The following RSRC1 variants were observed in gnomAD, a reference collection of about 807,000 sequenced individuals.
The protein encoded by RSRC1 is arginine and serine rich coiled-coil 1, also known as serine/Arginine-related protein 53.
In RSRC1, 39 loss-of-function variants were observed where a neutral mutation model predicts 49.1. The observed-to-expected ratio is 0.79, with a 90% CI of 0.61 to 1.04. The LOEUF (loss-of-function observed/expected upper bound fraction) is 1.04, where lower values mean the gene tolerates loss of function less well. Among genes scored for constraint, RSRC1 ranks in the 50% least tolerant of loss-of-function variants. The pLI, the probability that RSRC1 is intolerant of heterozygous loss-of-function variation, is 0.00. For missense variants in RSRC1, 388 were observed against 402.4 expected (o/e 0.96, Z 0.31); for synonymous variants, 143 against 130.8 (o/e 1.09, Z -0.63).
At chr3:158,174,553 A>G (rs1162300206) in intron 3 of RSRC1, among the ~76,000 whole-genome samples, 1 of 151,954 alleles carries the variant, frequency 6.6e-6, no homozygotes, top group East Asian at 1.9e-4. Context: ...CAAAGATAAC[A>G]TTATACTGAC....
At chr3:158,284,244 A>C (rs529573459) in intron 4 of RSRC1, among the ~76,000 whole-genome samples, 82 of 152,016 alleles carry the variant, frequency 5.4e-4, no homozygotes, top group South Asian at 4.2e-3. Flanking sequence ...ATGGCTGCAT[A>C]GTATTCCATG....
chr3:158,133,365 A>T (rs973992835), intron 3 of RSRC1, among the ~76,000 whole-genome samples: 5 of 152,204 alleles, frequency 3.3e-5, no homozygotes, highest in Non-Finnish European at 7.4e-5. Flanking sequence ...TTTATTGAGG[A>T]CATATCTTAA....
intron 5 of RSRC1, among the ~76,000 whole-genome samples, chr3:158,303,991 T>C (rs1727710658): frequency 6.6e-6 from 1 of 152,188 alleles, no homozygotes; most frequent in Non-Finnish European, 1.5e-5. Context: ...AAGTGGGATT[T>C]GTTTTCTATT....
chr3:158,396,390 A>G (rs1012760959), intron 6 of RSRC1, among the ~76,000 whole-genome samples: 1 of 143,756 alleles, frequency 7.0e-6, no homozygotes, highest in Non-Finnish European at 1.5e-5. Context: ...GTGATGGGCA[A>G]TGTTTTTTTT....
intron 7 of RSRC1, among the ~76,000 whole-genome samples, chr3:158,502,955 A>G (rs114388979): frequency 0.011 from 1,695 of 152,196 alleles, 40 homozygotes; most frequent in African/African-American, 0.039. Flanking sequence ...GTTTTGTCAT[A>G]TTACCTGAGT....
At chr3:158,327,170 G>A (rs562031699) in intron 5 of RSRC1, among the ~76,000 whole-genome samples, 7 of 151,902 alleles carry the variant, frequency 4.6e-5, no homozygotes, top group East Asian at 3.9e-4. Flanking sequence ...TTTGTTGATC[G>A]TTTCAAAAAA....
At chr3:158,396,742 C>A (rs1273174577) in intron 6 of RSRC1, among the ~76,000 whole-genome samples, 4 of 152,054 alleles carry the variant, frequency 2.6e-5, no homozygotes, top group Admixed American at 2.6e-4. Context: ...TATATGGAAG[C>A]CACTTTCACC....
At chr3:158,517,469 A>G (rs1740636478) in intron 7 of RSRC1, among the ~76,000 whole-genome samples, 1 of 152,068 alleles carries the variant, frequency 6.6e-6, no homozygotes, top group African/African-American at 2.4e-5. Flanking sequence ...AACAAGTATG[A>G]TACTTGCTTT....
chr3:158,344,063 G>A (rs961111450), intron 5 of RSRC1, among the ~76,000 whole-genome samples: 2 of 151,924 alleles, frequency 1.3e-5, no homozygotes, highest in African/African-American at 4.8e-5. Context: ...GATCACTTGA[G>A]GTCAGGCCAA....
At chr3:158,398,994 G>A (rs1733754760) in intron 6 of RSRC1, among the ~76,000 whole-genome samples, 3 of 151,550 alleles carry the variant, frequency 2.0e-5, no homozygotes, top group African/African-American at 7.3e-5. Context: ...GTGTGTGTGT[G>A]TATTTGAATT....
chr3:158,461,610 C>T (rs1487162017), intron 7 of RSRC1, among the ~76,000 whole-genome samples: 2 of 151,436 alleles, frequency 1.3e-5, no homozygotes, highest in Non-Finnish European at 3.0e-5. Flanking sequence ...TTTTTTTCTT[C>T]ACGGGGGATT....
At chr3:158,203,299 T>A in intron 4 of RSRC1, 54 bp downstream of exon 4, 1 of 1,503,638 alleles carries the variant, frequency 6.7e-7, no homozygotes, top group Admixed American at 2.1e-5. Context: ...ATGGCGATGT[T>A]CAAACTAAAT....
intron 4 of RSRC1, among the ~76,000 whole-genome samples, chr3:158,285,608 A>G (rs1411202189): frequency 6.6e-6 from 1 of 152,114 alleles, no homozygotes; most frequent in African/African-American, 2.4e-5. Context: ...GGTCCTTCAC[A>G]TCCCTTGTAA....
rs137936985 is a variant in RSRC1, at chr3:158,437,822, A to G, written c.584-23113A>G. On this transcript the variant is annotated intron_variant, in intron 6 of 9. Transcript: ENST00000611884. ...AGTGTTGGAAGTGCTGGCCAGGGCA[A>G]TCAGGCAAAAGAAAGAAATAAAGGG... Among the ~76,000 whole-genome samples, 800 of 152,292 alleles carry G rather than the reference A, an allele frequency of 5.3e-3. 7 individuals are homozygous for G. The highest frequency in any genetic ancestry group is 0.018 in the African/African-American group (761 of 41,568).
chr3:158,423,251 G>A (rs532102406), intron 6 of RSRC1, among the ~76,000 whole-genome samples: 1 of 152,196 alleles, frequency 6.6e-6, no homozygotes, highest in East Asian at 1.9e-4. Flanking sequence ...ATTGATTTTT[G>A]TATAAGGTGT....
chr3:158,510,478 T>A lies in RSRC1; in HGVS notation c.653-26614T>A, dbSNP rs187676647. On this transcript the variant is annotated intron_variant, in intron 7 of 9. Transcript: ENST00000611884. ...TCATATTCTCCAAAGAATTTCCCAC[T>A]TAAACTCTTAATCCACCTGGAATTT... Among the ~76,000 whole-genome samples the A allele has an allele frequency of 2.5e-4, 38 of 152,312 alleles. No homozygotes were observed. The East Asian group carries it at 4.2e-3, about 17-fold the overall frequency.
chr3:158,251,297 T>A (rs1283974022), intron 4 of RSRC1, among the ~76,000 whole-genome samples: 2 of 152,188 alleles, frequency 1.3e-5, no homozygotes, highest in Non-Finnish European at 2.9e-5. Context: ...CTTTGGGTGT[T>A]CTGGATCTTT....
intron 6 of RSRC1, among the ~76,000 whole-genome samples, chr3:158,360,313 G>T (rs1731395439): frequency 6.6e-6 from 1 of 152,140 alleles, no homozygotes; most frequent in Non-Finnish European, 1.5e-5. Context: ...GCCTTAGAGG[G>T]GGAGGAAATA....
At chr3:158,371,597 T>C (rs1415883158) in intron 6 of RSRC1, among the ~76,000 whole-genome samples, 1 of 151,920 alleles carries the variant, frequency 6.6e-6, no homozygotes, top group Non-Finnish European at 1.5e-5. Flanking sequence ...TAGTATTCCA[T>C]TGTGTGAATT....
Sources: gnomAD v4.1 joint callset for allele counts (sites outside exome capture counted in the v4.1 genomes callset) on GRCh38, gnomAD v4.1.1 for gene constraint, MANE v1.5 for transcripts, NCBI Gene and HGNC (gene_info 2026-07-23, HGNC 2026-07-21) for gene names.